STT3B: variants seen among roughly 807,000 people sequenced by gnomAD.
STT3B encodes dolichyl-diphosphooligosaccharide--protein glycosyltransferase subunit STT3B.
STT3B carries 29 observed loss-of-function variants against 96.8 expected under a neutral mutation model. The ratio of observed to expected loss-of-function variants is 0.30; its 90% confidence interval spans 0.22 to 0.41. The LOEUF is 0.41. Ranked by LOEUF, STT3B falls within the 10% of genes least tolerant of loss-of-function variation. The pLI, the probability that STT3B is intolerant of heterozygous loss-of-function variation, is 1.00. For missense variants in STT3B, 640 were observed against 1,022.3 expected (o/e 0.63, Z 5.10); for synonymous variants, 367 against 360.0 (o/e 1.02, Z -0.22).
At chr3:31,618,739 G>A (rs1280314882) in intron 8 of STT3B, among the ~76,000 whole-genome samples, 1 of 151,946 alleles carries the variant, frequency 6.6e-6, no homozygotes, top group Non-Finnish European at 1.5e-5. Context: ...ATGAATGACT[G>A]GAACTAACAA....
intron 5 of STT3B, among the ~76,000 whole-genome samples, chr3:31,602,139 T>G (rs989005101): frequency 6.6e-6 from 1 of 152,082 alleles, no homozygotes; most frequent in Non-Finnish European, 1.5e-5. Context: ...CATGAATGAC[T>G]GAATGAATGG....
intron 1 of STT3B, among the ~76,000 whole-genome samples, chr3:31,546,117 G>T (rs1697406563): frequency 1.3e-5 from 2 of 152,098 alleles, no homozygotes; most frequent in Non-Finnish European, 2.9e-5. Context: ...CATATGTGTG[G>T]ATGTTTGCTG....
chr3:31,533,915 A>C (rs953017627), intron 1 of STT3B, among the ~76,000 whole-genome samples: 4 of 152,204 alleles, frequency 2.6e-5, no homozygotes, highest in Non-Finnish European at 5.9e-5. Flanking sequence ...AGAAGGGAAA[A>C]GGAGAGTGAA....
At chr3:31,634,583 T>C (rs1699724541) in intron 15 of STT3B, among the ~76,000 whole-genome samples, 1 of 152,190 alleles carries the variant, frequency 6.6e-6, no homozygotes, top group South Asian at 2.1e-4. Context: ...TTCTCTATCC[T>C]GGTTTTGACT....
rs983435797 is a variant in STT3B, at chr3:31,610,492, A to G, written c.878-4613A>G. On this transcript the variant is annotated intron_variant, in intron 5 of 15. Coordinates refer to ENST00000295770, the MANE Select transcript of STT3B (RefSeq NM_178862.3). ...CTGTCAATGTAAGCTGCAATGCCTT[A>G]TCAGAGAGAAGGTACTTAAAGATTG... is the stretch of plus-strand genomic sequence containing the variant. Among the ~76,000 whole-genome samples the G allele has an allele frequency of 5.8e-5, 8 of 136,922 alleles. No individual in the cohort carries two copies. The Admixed American group carries it at 6.1e-4, about 10-fold the overall frequency. 89.8% of individuals were successfully genotyped at this position (136,922 alleles called of 152,430 possible).
chr3:31,607,038 G>A (rs1374963787), intron 5 of STT3B, among the ~76,000 whole-genome samples: 2 of 152,182 alleles, frequency 1.3e-5, no homozygotes, highest in African/African-American at 2.4e-5. Flanking sequence ...ACTTGCATGG[G>A]ACCTTCAGCG....
At chr3:31,555,627 T>G (rs1459943507) in intron 1 of STT3B, among the ~76,000 whole-genome samples, 2 of 152,126 alleles carry the variant, frequency 1.3e-5, no homozygotes, top group East Asian at 1.9e-4. Context: ...AATCTCAACT[T>G]ATTTATACTT....
intron 3 of STT3B, among the ~76,000 whole-genome samples, chr3:31,588,379 T>G (rs150175793): frequency 1.3e-5 from 2 of 152,092 alleles, no homozygotes; most frequent in Non-Finnish European, 2.9e-5. Context: ...TGTTAACTTA[T>G]TCTAGAAACA....
chr3:31,539,663 C>T (rs375136468), intron 1 of STT3B, among the ~76,000 whole-genome samples: 180 of 152,214 alleles, frequency 1.2e-3, no homozygotes, highest in African/African-American at 4.0e-3. Flanking sequence ...TGGATAATAG[C>T]TGATTACTTT....
chr3:31,540,713 T>C lies in STT3B; in HGVS notation c.314+7401T>C, dbSNP rs974642577. On this transcript the variant is annotated intron_variant, in intron 1 of 15. Transcript: ENST00000295770. ...TACATATATATACAAATACTAATGT[T>C]GAAGGTAAAATTTTATGTTGTTGCC... Among the ~76,000 whole-genome samples, 7 of 152,176 alleles carry C rather than the reference T, an allele frequency of 4.6e-5. 1 individual carries two copies. The highest frequency in any genetic ancestry group is 1.7e-4 in the African/African-American group (7 of 41,456).
At chr3:31,616,621 A>C (rs941168205) in intron 6 of STT3B, among the ~76,000 whole-genome samples, 2 of 151,782 alleles carry the variant, frequency 1.3e-5, no homozygotes, top group Non-Finnish European at 3.0e-5. Context: ...AACCCCCCTA[A>C]AATATAGAGG....
chr3:31,571,947 A>G (rs1698150997), intron 1 of STT3B, among the ~76,000 whole-genome samples: 1 of 137,238 alleles, frequency 7.3e-6, no homozygotes, highest in Non-Finnish European at 1.5e-5. Flanking sequence ...TATATATAAT[A>G]TTAAATATAT....
intron 1 of STT3B, among the ~76,000 whole-genome samples, chr3:31,560,655 C>T (rs1697854631): frequency 6.6e-6 from 1 of 151,904 alleles, no homozygotes; most frequent in Non-Finnish European, 1.5e-5. Context: ...AGTGACTAGA[C>T]TCTTTTCTCT....
intron 1 of STT3B, among the ~76,000 whole-genome samples, chr3:31,551,650 C>G (rs1697563944): frequency 6.6e-6 from 1 of 152,170 alleles, no homozygotes. Context: ...GTATGTGTAA[C>G]AACAAACTGT....
chr3:31,545,396 G>A (rs7639581), intron 1 of STT3B, among the ~76,000 whole-genome samples: 103,264 of 152,102 alleles, frequency 0.68, 36,018 homozygotes, highest in Non-Finnish European at 0.76. Flanking sequence ...AAAAGAGTAT[G>A]TAACATTAAG....
At chr3:31,633,539 A>T (rs1699704176) in intron 15 of STT3B, among the ~76,000 whole-genome samples, 1 of 152,230 alleles carries the variant, frequency 6.6e-6, no homozygotes, top group African/African-American at 2.4e-5. Flanking sequence ...TTACTCTATT[A>T]TTCATTGAAT....
chr3:31,603,017 A>G (rs1415767652), intron 5 of STT3B, among the ~76,000 whole-genome samples: 1 of 152,106 alleles, frequency 6.6e-6, no homozygotes, highest in East Asian at 1.9e-4. Flanking sequence ...GAAGCATTGT[A>G]AAGTGTTTGT....
Position 31,533,271 on chromosome 3 carries a change from C to G in STT3B, c.273C>G (p.Ala91=), listed in dbSNP as rs748476477. The change falls in exon 1 of 16, where the codon GCC becomes GCG. Residue 91 remains alanine (A), a synonymous_variant. Coordinates refer to ENST00000295770, the MANE Select transcript of STT3B (RefSeq NM_178862.3). The part of the protein sequence containing the change: ...WLAGFSSRLF[A]VIRFESIIHE... ...CCGGCTTCAGCTCGCGCCTCTTCGCCGTCATCCGCTTCGAAAGCATCATCC... is the reference window on the plus strand; with the variant it reads ...CCGGCTTCAGCTCGCGCCTCTTCGCGGTCATCCGCTTCGAAAGCATCATCC... 6.5e-7 allele frequency: 1 copy of G among 1,529,926 alleles called. No individual in the cohort carries two copies. Among genetic ancestry groups the G allele is most frequent in the Admixed American group, 2.0e-5 (1 of 50,206 alleles). 94.8% of individuals were successfully genotyped at this position (1,529,926 alleles called of 1,614,324 possible).
chr3:31,621,740 A>G (rs1699434099), intron 9 of STT3B, among the ~76,000 whole-genome samples: 1 of 152,204 alleles, frequency 6.6e-6, no homozygotes, highest in Non-Finnish European at 1.5e-5. Flanking sequence ...TTTTAAATCT[A>G]TAAATTTATT....
Sources: allele counts gnomAD v4.1 joint callset (sites outside exome capture counted in the v4.1 genomes callset), GRCh38; gene constraint gnomAD v4.1.1; transcripts MANE v1.5; gene names NCBI Gene and HGNC (gene_info 2026-07-23, HGNC 2026-07-21).